Variants in PACS1 observed in about 807,000 individuals in gnomAD.
The protein encoded by PACS1 is PACS-1.
A neutral mutation model predicts 115.0 loss-of-function variants in PACS1; 24 were observed. The observed-to-expected ratio is 0.21, with a 90% CI of 0.15 to 0.29. The LOEUF is 0.29. Among genes scored for constraint, PACS1 ranks in the 10% least tolerant of loss-of-function variants. The pLI is 1.00. For missense variants in PACS1, 838 were observed against 1,251.2 expected (o/e 0.67, Z 4.98); for synonymous variants, 453 against 504.5 (o/e 0.90, Z 1.37).
chr11:66,109,463 A>G lies in PACS1; in HGVS notation c.356+38621A>G, dbSNP rs528257170. On this transcript the variant is annotated intron_variant, in intron 1 of 23. Transcript: ENST00000320580. ...TTCAGGTCTGTGAAGAAGTGTGTGC[A>G]TAGTTTACCACACAACAGCATATGA... 5.9e-5 allele frequency among the ~76,000 whole-genome samples: 9 copies of G among 152,338 alleles called. No homozygotes were observed. In the East Asian group the frequency reaches 9.6e-4, roughly 16 times the overall value.
intron 1 of PACS1, among the ~76,000 whole-genome samples, chr11:66,133,780 C>T (rs1858760455): frequency 6.6e-6 from 1 of 152,196 alleles, no homozygotes; most frequent in African/African-American, 2.4e-5. Context: ...GCTGGGATTA[C>T]AGGTGTGAGC....
chr11:66,077,277 C>T (rs1354805195), intron 1 of PACS1, among the ~76,000 whole-genome samples: 1 of 152,170 alleles, frequency 6.6e-6, no homozygotes, highest in African/African-American at 2.4e-5. Context: ...TTAAAACATT[C>T]CAAGGCTGGG....
chr11:66,197,431 T>G (rs1180819379), intron 2 of PACS1, among the ~76,000 whole-genome samples: 1 of 152,104 alleles, frequency 6.6e-6, no homozygotes, highest in Non-Finnish European at 1.5e-5. Context: ...GGAAAAAAAA[T>G]TTTTACTTTG....
At chr11:66,178,931 G>C (rs1859939168) in intron 1 of PACS1, among the ~76,000 whole-genome samples, 1 of 152,160 alleles carries the variant, frequency 6.6e-6, no homozygotes, top group South Asian at 2.1e-4. Context: ...ACAGGTCCCA[G>C]ATCACACTAT....
chr11:66,235,833 C>A lies in PACS1; in HGVS notation c.2208-65C>A. 7.2e-7 allele frequency: 1 copy of A among 1,389,766 alleles called. No homozygotes were observed. The highest frequency in any genetic ancestry group is 1.0e-6 in the Non-Finnish European group (1 of 975,432). The allele number at this position is 1,389,766 out of a possible 1,614,324, so 86.1% of individuals were successfully genotyped here. On this transcript the variant is annotated intron_variant, in intron 18 of 23. Coordinates refer to ENST00000320580, the MANE Select transcript of PACS1 (RefSeq NM_018026.4). The surrounding 1 kb of genome is among the most constrained non-coding windows in gnomAD (Gnocchi z 5.6). ...GCAGCCACAGTGAGATAGGAAAGGC[C>A]AATTCCCCAGCACTCCTCCCTGTCT...
chr11:66,103,751 T>G (rs1311576961), intron 1 of PACS1, among the ~76,000 whole-genome samples: 1 of 152,090 alleles, frequency 6.6e-6, no homozygotes, highest in Non-Finnish European at 1.5e-5. Flanking sequence ...TGACTTCAAG[T>G]GATCCATCCG....
intron 1 of PACS1, among the ~76,000 whole-genome samples, chr11:66,154,200 T>C (rs1303476864): frequency 6.6e-6 from 1 of 151,980 alleles, no homozygotes; most frequent in African/African-American, 2.4e-5. Flanking sequence ...GCTTTGGGAG[T>C]CCAAGGCAAG....
At chr11:66,165,456 C>T (rs997114522) in intron 1 of PACS1, among the ~76,000 whole-genome samples, 6 of 152,158 alleles carry the variant, frequency 3.9e-5, no homozygotes, top group Admixed American at 2.6e-4. Flanking sequence ...TGCCTCGACT[C>T]CTAAATCTGT....
In PACS1 at chr11:66,233,041, G is replaced by A. The variant is rs777235962; in HGVS notation, c.1813G>A (p.Ala605Thr). 7.5e-6 allele frequency: 12 copies of A among 1,610,350 alleles called. No homozygotes were observed. Among genetic ancestry groups the A allele is most frequent in the South Asian group, 3.3e-5 (3 of 91,070 alleles). The change falls in exon 15 of 24, where the codon GCC becomes ACC. Residue 605 changes from alanine to threonine, a missense_variant. By Grantham distance (58) the Ala-to-Thr change is moderately conservative (BLOSUM62 0). This residue lies in a region of PACS1 where 383 missense variants were observed against 537.0 expected (regional missense o/e 0.71). Coordinates refer to ENST00000320580, the MANE Select transcript of PACS1 (RefSeq NM_018026.4). This position sits in a 1 kb window ranked among gnomAD's most constrained non-coding sequence, Gnocchi z 4.5. The stretch of plus-strand genomic sequence containing the variant: ...CGTGGAGGTCCAGGCCGTGCTGTCC[G>A]CCCTGCTCACCCGGATCCAGCGCTA... Reference protein sequence around the residue: ...STVEVQAVLSALLTRIQRYCN... With the variant: ...STVEVQAVLSTLLTRIQRYCN...
intron 1 of PACS1, among the ~76,000 whole-genome samples, chr11:66,138,552 A>G (rs1264023268): frequency 6.6e-6 from 1 of 152,010 alleles, no homozygotes; most frequent in East Asian, 1.9e-4. Flanking sequence ...CACTTCTTTA[A>G]GTTTTGTACC....
At chr11:66,179,278 A>G (rs1214189142) in intron 1 of PACS1, among the ~76,000 whole-genome samples, 4 of 152,216 alleles carry the variant, frequency 2.6e-5, no homozygotes, top group Non-Finnish European at 5.9e-5. Flanking sequence ...GTTTCATTCT[A>G]CCTTGTAAAG....
intron 1 of PACS1, among the ~76,000 whole-genome samples, chr11:66,076,591 C>G (rs143254875): frequency 0.033 from 5,093 of 152,224 alleles, 123 homozygotes; most frequent in Admixed American, 0.051. Flanking sequence ...CGGGGTTTCC[C>G]CATGTTGGCC....
intron 1 of PACS1, among the ~76,000 whole-genome samples, chr11:66,109,955 C>T (rs535198664): frequency 2.7e-4 from 41 of 152,286 alleles, no homozygotes; most frequent in Admixed American, 7.8e-4. Flanking sequence ...AAGATATAAA[C>T]GGCACAAGTG....
At position 66,233,194 on chromosome 11, in the gene PACS1, GT is replaced by G; in HGVS notation, c.1838+131del. 2 of 665,196 alleles carry G rather than the reference GT, an allele frequency of 3.0e-6. No homozygotes were observed. Among genetic ancestry groups the G allele is most frequent in the Admixed American group, 2.7e-5 (1 of 37,570 alleles). The allele number at this position is 665,196 out of a possible 1,614,324, so 41.2% of individuals were successfully genotyped here. On this transcript the variant is annotated intron_variant, in intron 15 of 23. Coordinates refer to ENST00000320580, the MANE Select transcript of PACS1 (RefSeq NM_018026.4). This position sits in a 1 kb window ranked among gnomAD's most constrained non-coding sequence, Gnocchi z 4.5. ...ACCAAGAATTTGCAGAGGGGCGTAT[GT>G]TTAGGGGGGTGGCGGCAGCAGGCTG...
At position 66,236,112 on chromosome 11, in the gene PACS1, G is replaced by GGGGTACCCAGT. The variant is rs60063434; in HGVS notation, c.2250+177_2250+187dup. Among the ~76,000 whole-genome samples, 28,585 of 151,818 alleles carry GGGGTACCCAGT rather than the reference G, an allele frequency of 0.19. 2,806 individuals are homozygous for GGGGTACCCAGT. Among genetic ancestry groups the GGGGTACCCAGT allele is most frequent in the East Asian group, 0.26 (1,340 of 5,106 alleles). ...GGAGACGTGTTTGGTTGTTATACGG[G>GGGGTACCCAGT]GGGTACCCAGTGGGTGGAGGCCAGG... On this transcript the variant is annotated intron_variant, in intron 19 of 23. Transcript: ENST00000320580. This position sits in a 1 kb window ranked among gnomAD's most constrained non-coding sequence, Gnocchi z 4.2.
At chr11:66,238,044 G>A (rs1565159458) in intron 19 of PACS1, 1 of 985,322 alleles carries the variant, frequency 1.0e-6, no homozygotes, top group Non-Finnish European at 1.2e-6. Context: ...GACTTTACCT[G>A]TCACTTCAGA....
At chr11:66,082,195 G>A (rs1449520299) in intron 1 of PACS1, among the ~76,000 whole-genome samples, 1 of 152,074 alleles carries the variant, frequency 6.6e-6, no homozygotes, top group Non-Finnish European at 1.5e-5. Flanking sequence ...TGGTACATGG[G>A]GCACAACTGC....
intron 13 of PACS1, 186 bp from the exon 14 acceptor site, chr11:66,231,986 C>G (rs1855605808): frequency 1.8e-6 from 1 of 563,554 alleles, no homozygotes. Flanking sequence ...ACTCGCTTTG[C>G]TGCTTCTTTC....
At position 66,149,137 on chromosome 11, in the gene PACS1, C is replaced by G. The variant is rs1177739003; in HGVS notation, c.357-44349C>G. Among the ~76,000 whole-genome samples, 5 of 145,426 alleles carry G rather than the reference C, an allele frequency of 3.4e-5. No individual in the cohort carries two copies. The East Asian group carries it at 1.0e-3, about 30-fold the overall frequency. On this transcript the variant is annotated intron_variant, in intron 1 of 23. Coordinates refer to ENST00000320580, the MANE Select transcript of PACS1 (RefSeq NM_018026.4). The stretch of plus-strand genomic sequence containing the variant: ...TGAGATAGAGTCTCCCTCTGTCACC[C>G]ATTCTGGAGTGTAATGGTGTGATCT...
Sources: allele counts gnomAD v4.1 joint callset (sites outside exome capture counted in the v4.1 genomes callset), GRCh38; gene constraint gnomAD v4.1.1; regional missense constraint gnomAD v4.1.1; non-coding constraint Gnocchi (gnomAD v3.1); transcripts MANE v1.5; gene names NCBI Gene and HGNC (gene_info 2026-07-23, HGNC 2026-07-21).